Variants in BRD9 observed in about 807,000 individuals in gnomAD.
BRD9 encodes the protein bromodomain-containing protein 9.
In BRD9, 47 loss-of-function variants were observed where a neutral mutation model predicts 68.7. That is an observed-to-expected ratio of 0.68 (90% CI 0.54 to 0.87). The LOEUF is 0.87. BRD9 is among the 40% of genes least tolerant of loss of function. The probability of loss-of-function intolerance (pLI) is 0.00; values close to 1 mark genes in which losing one functional copy is unlikely to be tolerated. For synonymous variants in BRD9, 313 were observed against 293.9 expected (o/e 1.06, Z -0.67); for missense variants, 670 against 748.4 (o/e 0.90, Z 1.22).
chr5:881,567 A>C (rs997201338), intron 8 of BRD9: 1 of 299,056 alleles, frequency 3.3e-6, no homozygotes, highest in Non-Finnish European at 6.4e-6. Context: ...TCATTTAAAA[A>C]CCCACCACCC....
chr5:889,472 G>A, intron 4 of BRD9, 115 bp downstream of exon 4: 1 of 1,160,442 alleles, frequency 8.6e-7, no homozygotes. Context: ...GAGTCACCAA[G>A]AGAAGGTGCA....
At chr5:870,383 T>G in intron 14 of BRD9, 90 bp downstream of exon 14, 1 of 994,190 alleles carries the variant, frequency 1.0e-6, no homozygotes, top group African/African-American at 1.6e-5. Context: ...CCCTGTCTAG[T>G]CAGGAAGGGA....
In BRD9 at chr5:864,516, G is replaced by C; in HGVS notation, c.1746C>G (p.Pro582=). 6.2e-7 allele frequency: 1 copy of C among 1,614,046 alleles called. No individual in the cohort carries two copies. Among genetic ancestry groups the C allele is most frequent in the Non-Finnish European group, 8.5e-7 (1 of 1,179,946 alleles). ...VGEQPDVTHD[P]YEFLQSPEPA... ...GCTCTGGAGACTGAAGAAACTCATAGGGGTCGTGGGTGACGTCTGGCTGCT... is the reference window on the plus strand; with the variant it reads ...GCTCTGGAGACTGAAGAAACTCATACGGGTCGTGGGTGACGTCTGGCTGCT... The change falls in exon 16 of 16, where the codon CCC becomes CCG. Residue 582 remains proline (P), a synonymous_variant. Coordinates refer to ENST00000467963, the MANE Select transcript of BRD9 (RefSeq NM_023924.5).
At chr5:876,487 T>C (rs1262405790) in intron 11 of BRD9, among the ~76,000 whole-genome samples, 1 of 152,154 alleles carries the variant, frequency 6.6e-6, no homozygotes, top group Non-Finnish European at 1.5e-5. Context: ...TATGTTATCA[T>C]CTGTAAAAGA....
chr5:873,484 T>A (rs958641083), intron 12 of BRD9, among the ~76,000 whole-genome samples: 1 of 152,176 alleles, frequency 6.6e-6, no homozygotes, highest in Non-Finnish European at 1.5e-5. Flanking sequence ...CTATAACCTA[T>A]AAGGCCCTGC....
chr5:876,698 C>G (rs992659273), intron 11 of BRD9, among the ~76,000 whole-genome samples: 2 of 152,144 alleles, frequency 1.3e-5, no homozygotes, highest in African/African-American at 4.8e-5. Context: ...ATAATACAAT[C>G]TAAAAAGTAG....
At chr5:867,844 T>C (rs1749579524) in intron 14 of BRD9, among the ~76,000 whole-genome samples, 1 of 152,220 alleles carries the variant, frequency 6.6e-6, no homozygotes, top group South Asian at 2.1e-4. Context: ...GACTGTGGAC[T>C]TCTGAGTTAA....
chr5:868,674 CG>C (rs1433934462), intron 14 of BRD9: 3 of 152,308 alleles, frequency 2.0e-5, no homozygotes, highest in Non-Finnish European at 2.9e-5. Flanking sequence ...GGGCATTTCA[CG>C]TGTGTTGTCA....
chr5:886,791 G>C, intron 6 of BRD9, 84 bp from the exon 7 acceptor site: 1 of 1,603,354 alleles, frequency 6.2e-7, no homozygotes, highest in Non-Finnish European at 8.5e-7. Context: ...GGACAGAGCA[G>C]CAGGGATTTA....
At chr5:864,655 ACCTACCG>A in intron 15 of BRD9, 87 bp from the exon 16 acceptor site, 6 of 1,202,770 alleles carry the variant, frequency 5.0e-6, no homozygotes, top group Non-Finnish European at 7.2e-6. Context: ...CTGCTTCCTG[ACCTACCG>A]CCAGGGCTCA....
intron 7 of BRD9, 37 bp downstream of exon 7, chr5:886,555 A>C: frequency 6.3e-7 from 1 of 1,585,128 alleles, no homozygotes; most frequent in South Asian, 1.1e-5. Flanking sequence ...ATGGTGCTCA[A>C]CTCCAAAAGC....
intron 15 of BRD9, among the ~76,000 whole-genome samples, chr5:865,133 C>G (rs1041207832): frequency 6.6e-6 from 1 of 152,228 alleles, no homozygotes; most frequent in Non-Finnish European, 1.5e-5. Context: ...AACACTGGAA[C>G]CAGGGTCCAC....
rs770448871 is a variant in BRD9 at position 883,957 on chromosome 5, C to T, written c.947G>A (p.Arg316Gln). ...AADEARDRIN[R>Q]FLPGGKMGYL... The stretch of plus-strand genomic sequence containing the variant: ...CACTACCTTGCCGCCTGGGAGGAAC[C>T]GGTTGATCCTGTCCCGAGCTTCGTC... The change falls in exon 8 of 16, where the codon CGG becomes CAG. Residue 316 changes from arginine (R) to glutamine (Q), a missense_variant. Physicochemically the swap from Arg to Gln is conservative, Grantham distance 43. Around this residue, in one of 5 missense-constraint regions of BRD9, gnomAD observed 135 missense variants for 141.2 expected, o/e 0.96. Coordinates refer to ENST00000467963, the MANE Select transcript of BRD9 (RefSeq NM_023924.5). 9.3e-6 allele frequency: 15 copies of T among 1,612,678 alleles called. No individual in the cohort carries two copies. Among genetic ancestry groups the T allele is most frequent in the Admixed American group, 8.3e-5 (5 of 59,996 alleles).
Position 865,460 on chromosome 5 carries a change from G to A in BRD9, c.1647C>T (p.Asn549=). The A allele has an allele frequency of 6.3e-7, 1 of 1,598,328 alleles. No homozygotes were observed. The highest frequency in any genetic ancestry group is 1.7e-4 in the Middle Eastern group (1 of 6,018). The change falls in exon 15 of 16, where the codon AAC becomes AAT. Residue 549 remains asparagine, a synonymous_variant. Coordinates refer to ENST00000467963, the MANE Select transcript of BRD9 (RefSeq NM_023924.5). The part of the protein sequence containing the change: ...AERGGSRPSS[N]LSSLSNASER... ...CGGAGGCGTTGGACAGGGAGCTGAG[G>A]TTGGACGACGGCCGAGAGCCGCCGC...
Position 864,562 on chromosome 5 carries a change from G to C in BRD9, c.1700C>G (p.Pro567Arg), listed in dbSNP as rs1053855391. 3 of 1,613,490 alleles carry C rather than the reference G, an allele frequency of 1.9e-6. No individual in the cohort carries two copies. In the African/African-American group the frequency reaches 4.0e-5, roughly 22 times the overall value. ...SERDQHHLGS[P>R]SRLSVGEQPD... The stretch of plus-strand genomic sequence containing the variant: ...CTGCTCCCCGACACTCAGGCGAGAA[G>C]GGCTTCCTGCAATTTTCAGAACACA... The change falls in exon 16 of 16, where the codon CCT (proline) becomes CGT (arginine). Residue 567 changes from proline to arginine, a missense_variant. Around this residue, in one of 5 missense-constraint regions of BRD9, gnomAD observed 280 missense variants for 281.5 expected, o/e 0.99. Transcript: ENST00000467963.
At chr5:872,786 T>C (rs1193069858) in intron 12 of BRD9, among the ~76,000 whole-genome samples, 2 of 152,236 alleles carry the variant, frequency 1.3e-5, no homozygotes, top group East Asian at 1.9e-4. Context: ...AATCAGCGAC[T>C]TGATAAGCAA....
chr5:870,060 C>T lies in BRD9; in HGVS notation c.1525+413G>A, dbSNP rs149305205. On this transcript the variant is annotated intron_variant, in intron 14 of 15. Transcript: ENST00000467963. ...GGTGTCACCCAGGGTACGGATGGGC[C>T]CCAGGTGGGAGCGATGCAGAGGGGA... Among the ~76,000 whole-genome samples, 109 of 152,316 alleles carry T rather than the reference C, an allele frequency of 7.2e-4. 2 individuals carry two copies. The highest frequency in any genetic ancestry group is 2.4e-3 in the African/African-American group (100 of 41,562).
In BRD9 at chr5:865,567, CCTT is replaced by C. The variant is rs757375589; in HGVS notation, c.1537_1539del (p.Lys513del). 2.1e-5 allele frequency: 34 copies of C among 1,600,378 alleles called. No homozygotes were observed. The highest frequency in any genetic ancestry group is 2.6e-5 in the Non-Finnish European group (31 of 1,177,128). Reference sequence around the variant, plus strand: ...AAATGGCTGTCGTCAGGGTCCAGCTCCTTCTTCACCTTCCCTGTGTAAACAGGA... The same window carrying C: ...AAATGGCTGTCGTCAGGGTCCAGCTCCTTCACCTTCCCTGTGTAAACAGGA... On this transcript the variant is annotated inframe_deletion, in exon 15 of 16. Coordinates refer to ENST00000467963, the MANE Select transcript of BRD9 (RefSeq NM_023924.5).
chr5:871,746 T>A (rs528987100), intron 12 of BRD9, among the ~76,000 whole-genome samples, 182 bp from the exon 13 acceptor site: 1 of 152,354 alleles, frequency 6.6e-6, no homozygotes, highest in African/African-American at 2.4e-5. Context: ...CACCAGTCAC[T>A]GACCCAACCA....
Sources: allele counts gnomAD v4.1 joint callset (sites outside exome capture counted in the v4.1 genomes callset), GRCh38; gene constraint gnomAD v4.1.1; regional missense constraint gnomAD v4.1.1; transcripts MANE v1.5; gene names NCBI Gene and HGNC (gene_info 2026-07-23, HGNC 2026-07-21).